RALYL: variants seen among roughly 807,000 people sequenced by gnomAD.
RALYL encodes the protein RALY RNA binding protein like.
RALYL carries 29 observed loss-of-function variants against 35.1 expected under a neutral mutation model. The observed-to-expected ratio is 0.83, with a 90% CI of 0.61 to 1.13. The LOEUF (loss-of-function observed/expected upper bound fraction) is 1.13. Among genes scored for constraint, RALYL ranks in the 50% most tolerant of loss-of-function variants. The pLI, the probability that RALYL is intolerant of heterozygous loss-of-function variation, is 0.00. For synonymous variants in RALYL, 120 were observed against 127.6 expected, an observed-to-expected ratio of 0.94 and a Z score of 0.40; for missense variants, 359 against 360.4, an observed-to-expected ratio of 1.00 and a Z score of 0.03.
At chr8:84,545,024 C>T (rs2060262664) in intron 2 of RALYL, among the ~76,000 whole-genome samples, 1 of 151,828 alleles carries the variant, frequency 6.6e-6, no homozygotes, top group African/African-American at 2.4e-5. Flanking sequence ...AAAAAAATTC[C>T]CACTTCTAAC....
intron 4 of RALYL, among the ~76,000 whole-genome samples, chr8:84,817,073 G>A (rs1205544520): frequency 3.3e-5 from 5 of 152,080 alleles, no homozygotes; most frequent in South Asian, 2.1e-4. Flanking sequence ...TGAGATGCAC[G>A]GGATCTATTC....
At chr8:84,546,700 A>G (rs1397260331) in intron 2 of RALYL, among the ~76,000 whole-genome samples, 1 of 152,196 alleles carries the variant, frequency 6.6e-6, no homozygotes, top group African/African-American at 2.4e-5. Flanking sequence ...GCACAATATG[A>G]ATTCCTAACA....
chr8:84,364,440 T>C (rs1035343912), intron 1 of RALYL, among the ~76,000 whole-genome samples: 5 of 152,130 alleles, frequency 3.3e-5, no homozygotes, highest in African/African-American at 7.2e-5. Flanking sequence ...CTACTAAAAA[T>C]GTTCTTTATT....
chr8:84,683,789 C>T (rs1028347583), intron 2 of RALYL, among the ~76,000 whole-genome samples: 5 of 152,124 alleles, frequency 3.3e-5, no homozygotes, highest in Non-Finnish European at 1.5e-5. Context: ...TGATTTCAAG[C>T]GATTCTCCTG....
chr8:84,684,236 A>G (rs1338582611), intron 2 of RALYL, among the ~76,000 whole-genome samples: 1 of 152,202 alleles, frequency 6.6e-6, no homozygotes, highest in Admixed American at 6.5e-5. Context: ...TAAAATAATA[A>G]TAGTAATTGT....
intron 3 of RALYL, among the ~76,000 whole-genome samples, chr8:84,803,710 C>T (rs1456571023): frequency 6.6e-6 from 1 of 152,188 alleles, no homozygotes; most frequent in Non-Finnish European, 1.5e-5. Context: ...TGCATGTCAG[C>T]TCTGCCTATA....
intron 1 of RALYL, among the ~76,000 whole-genome samples, chr8:84,401,707 TG>T (rs2042930360): frequency 6.6e-6 from 1 of 151,260 alleles, no homozygotes; most frequent in South Asian, 2.1e-4. Flanking sequence ...TTAGGGATAT[TG>T]TTAAACATCA....
intron 1 of RALYL, among the ~76,000 whole-genome samples, chr8:84,497,642 G>GT (rs71271999): frequency 0.38 from 44,899 of 117,190 alleles, 8,743 homozygotes; most frequent in South Asian, 0.49. Flanking sequence ...TTTTGTTTTT[G>GT]TTTTTTTTTT....
chr8:84,574,364 A>G (rs1193572912), intron 2 of RALYL, among the ~76,000 whole-genome samples: 1 of 152,004 alleles, frequency 6.6e-6, no homozygotes, highest in Non-Finnish European at 1.5e-5. Context: ...AAGTTTTTCC[A>G]TATATATTCA....
chr8:84,364,798 G>T (rs1235340073), intron 1 of RALYL, among the ~76,000 whole-genome samples: 1 of 152,054 alleles, frequency 6.6e-6, no homozygotes, highest in Non-Finnish European at 1.5e-5. Flanking sequence ...TAATTGTTCA[G>T]CTTAAGCTTT....
intron 1 of RALYL, among the ~76,000 whole-genome samples, chr8:84,298,555 C>A (rs1182198692): frequency 2.6e-5 from 4 of 151,914 alleles, no homozygotes; most frequent in African/African-American, 9.7e-5. Context: ...TTTGGTCTCA[C>A]ATGCATTTTA....
chr8:84,720,489 T>TA (rs1205238913), intron 2 of RALYL, among the ~76,000 whole-genome samples: 5 of 152,048 alleles, frequency 3.3e-5, no homozygotes, highest in African/African-American at 1.2e-4. Flanking sequence ...CCTCACTGTA[T>TA]AAAAAATTAA....
At chr8:84,692,710 T>TA (rs1402331532) in intron 2 of RALYL, among the ~76,000 whole-genome samples, 3 of 152,090 alleles carry the variant, frequency 2.0e-5, no homozygotes, top group African/African-American at 7.2e-5. Flanking sequence ...GTGTATGTTG[T>TA]AACAGGTATG....
At chr8:84,448,344 G>A (rs1436163981) in intron 1 of RALYL, among the ~76,000 whole-genome samples, 1 of 152,010 alleles carries the variant, frequency 6.6e-6, no homozygotes, top group Admixed American at 6.6e-5. Context: ...GTTTAAGCAT[G>A]CTCCAATTTT....
intron 2 of RALYL, among the ~76,000 whole-genome samples, chr8:84,680,365 A>C (rs1835178001): frequency 6.6e-6 from 1 of 152,178 alleles, no homozygotes; most frequent in African/African-American, 2.4e-5. Context: ...GTATATACCC[A>C]GTAATGGGAT....
At chr8:84,480,139 T>A (rs531273076) in intron 1 of RALYL, among the ~76,000 whole-genome samples, 1 of 152,304 alleles carries the variant, frequency 6.6e-6, no homozygotes, top group African/African-American at 2.4e-5. Context: ...AGTATTTGAT[T>A]ATTAATTAAT....
intron 2 of RALYL, among the ~76,000 whole-genome samples, chr8:84,755,586 T>C (rs1362126545): frequency 2.0e-5 from 3 of 152,166 alleles, no homozygotes; most frequent in African/African-American, 4.8e-5. Flanking sequence ...ATGAATAGAA[T>C]TTGCAACATG....
rs36119108 is a variant in RALYL, at chr8:84,857,036, GAAAAAAAAAA to G, written c.414-5246_414-5237del. Among the ~76,000 whole-genome samples the G allele has an allele frequency of 9.8e-5, 9 of 91,828 alleles. No homozygotes were observed. In the South Asian group the frequency reaches 2.3e-3, roughly 23 times the overall value. 60.2% of individuals were successfully genotyped at this position (91,828 alleles called of 152,430 possible). On this transcript the variant is annotated intron_variant, in intron 5 of 8. Transcript: ENST00000521268. ...GGCGACAGAGCGAGACTCCGTCTCA[GAAAAAAAAAA>G]AAAAAAAAAAAAAGAATTATTTGTG...
intron 2 of RALYL, among the ~76,000 whole-genome samples, chr8:84,583,213 G>T (rs1435768704): frequency 6.6e-6 from 1 of 152,152 alleles, no homozygotes. Context: ...AACTTACTGA[G>T]ATCAGTATCA....
Sources: allele counts gnomAD v4.1 joint callset (sites outside exome capture counted in the v4.1 genomes callset), GRCh38; gene constraint gnomAD v4.1.1; transcripts MANE v1.5; gene names NCBI Gene and HGNC (gene_info 2026-07-23, HGNC 2026-07-21).